The following ACTA2 variants were observed in gnomAD, a reference collection of about 807,000 sequenced individuals.
The protein encoded by ACTA2 is actin alpha 2, smooth muscle.
In ACTA2, 12 loss-of-function variants were observed where a neutral mutation model predicts 39.5. The observed-to-expected ratio is 0.30, with a 90% CI of 0.19 to 0.49. The LOEUF (loss-of-function observed/expected upper bound fraction) is 0.49. Among genes scored for constraint, ACTA2 ranks in the 20% least tolerant of loss-of-function variants. The pLI is 0.99. For missense variants in ACTA2, 236 were observed against 498.8 expected (o/e 0.47, Z 5.02); for synonymous variants, 158 against 180.6 (o/e 0.88, Z 1.00).
chr10:88,944,978 T>C (rs1190127922), intron 3 of ACTA2, among the ~76,000 whole-genome samples: 1 of 152,214 alleles, frequency 6.6e-6, no homozygotes, highest in Non-Finnish European at 1.5e-5. Flanking sequence ...TTCCACTTTC[T>C]TTTGTTTTGG....
chr10:88,968,451 T>A (rs1404917974), intron 1 of ACTA2, among the ~76,000 whole-genome samples: 1 of 152,194 alleles, frequency 6.6e-6, no homozygotes, highest in Non-Finnish European at 1.5e-5. Context: ...CAACAATAAC[T>A]TTATCCCAAA....
chr10:88,985,295 G>C (rs1846843396), intron 1 of ACTA2, among the ~76,000 whole-genome samples: 1 of 152,148 alleles, frequency 6.6e-6, no homozygotes, highest in African/African-American at 2.4e-5. Context: ...AGGACAAGTT[G>C]CTAATTTGGG....
chr10:88,959,275 A>G (rs546363947), intron 1 of ACTA2, among the ~76,000 whole-genome samples: 18 of 152,370 alleles, frequency 1.2e-4, no homozygotes, highest in South Asian at 8.3e-4. Flanking sequence ...GAAATTGCCT[A>G]AGGGGCTTAA....
intron 3 of ACTA2, among the ~76,000 whole-genome samples, chr10:88,946,410 C>CT (rs1368293894): frequency 2.1e-5 from 3 of 142,296 alleles, no homozygotes; most frequent in Non-Finnish European, 4.5e-5. Flanking sequence ...TTTTTTTCTT[C>CT]TTTTTTTTGA....
chr10:88,953,876 T>A (rs1564649993), upstream of ACTA2, among the ~76,000 whole-genome samples: 1 of 152,178 alleles, frequency 6.6e-6, no homozygotes, highest in Non-Finnish European at 1.5e-5. Context: ...TGAGTTTAAG[T>A]TTCTTGAGGC....
intron 1 of ACTA2, among the ~76,000 whole-genome samples, chr10:88,975,550 G>C (rs1846543462): frequency 6.6e-6 from 1 of 152,112 alleles, no homozygotes; most frequent in Non-Finnish European, 1.5e-5. Context: ...AGAGCAAAGG[G>C]AACTATCAGC....
intron 1 of ACTA2, among the ~76,000 whole-genome samples, chr10:88,986,728 C>G (rs1464418725): frequency 6.6e-6 from 1 of 151,348 alleles, no homozygotes; most frequent in South Asian, 2.1e-4. Flanking sequence ...GGAAGTGGTA[C>G]AGGAAGGAAG....
At chr10:88,954,525 C>T (rs1846102488), upstream of ACTA2, among the ~76,000 whole-genome samples, 1 of 152,142 alleles carries the variant, frequency 6.6e-6, no homozygotes, top group African/African-American at 2.4e-5. Flanking sequence ...AAGGATTCCC[C>T]TTCCTCCTGC....
chr10:88,956,571 A>G (rs944674202), upstream of ACTA2, among the ~76,000 whole-genome samples: 6 of 152,206 alleles, frequency 3.9e-5, no homozygotes, highest in African/African-American at 1.4e-4. Context: ...CCACAGGTTT[A>G]GGGGATTAGT....
chr10:88,990,986 G>T lies in ACTA2; in HGVS notation c.-71C>A. 6.3e-7 allele frequency: 1 copy of T among 1,599,626 alleles called. No individual in the cohort carries two copies. The highest frequency in any genetic ancestry group is 1.3e-5 in the African/African-American group (1 of 74,740). ...GCAAAGTGGGGCGGGCGCGGGACGC[G>T]TGCGGGATTGCGGCGGCAGCGGCGC... On this transcript the variant is annotated 5_prime_UTR_variant, in exon 1 of 5. Transcript: ENST00000415557. This position sits in a 1 kb window ranked among gnomAD's most constrained non-coding sequence, Gnocchi z 4.9.
At chr10:88,986,111 T>C (rs1846873562) in intron 1 of ACTA2, among the ~76,000 whole-genome samples, 1 of 152,204 alleles carries the variant, frequency 6.6e-6, no homozygotes, top group Non-Finnish European at 1.5e-5. Flanking sequence ...ATTTAGTATA[T>C]ACAAGTAGAC....
At chr10:88,956,264 G>A (rs1846136962), upstream of ACTA2, among the ~76,000 whole-genome samples, 1 of 152,168 alleles carries the variant, frequency 6.6e-6, no homozygotes, top group Non-Finnish European at 1.5e-5. Flanking sequence ...GGTTTTCAAT[G>A]GGCTAAAATC....
chr10:88,984,962 G>A (rs893771930), intron 1 of ACTA2, among the ~76,000 whole-genome samples: 1 of 152,196 alleles, frequency 6.6e-6, no homozygotes, highest in Non-Finnish European at 1.5e-5. Flanking sequence ...AGCCTAGTGA[G>A]GAGGAAAGCA....
chr10:88,989,613 A>C (rs1847046764), intron 1 of ACTA2: 1 of 534,558 alleles, frequency 1.9e-6, no homozygotes, highest in Non-Finnish European at 3.7e-6. Context: ...ACACAGGGTG[A>C]TGGAAAGCCC....
At chr10:88,958,742 G>C (rs1024603540) in intron 1 of ACTA2, among the ~76,000 whole-genome samples, 1 of 152,186 alleles carries the variant, frequency 6.6e-6, no homozygotes, top group Non-Finnish European at 1.5e-5. Flanking sequence ...CTCTCAAGCT[G>C]ACTAGACCCA....
At chr10:88,935,882 C>T (rs1229989654) in intron 8 of ACTA2, among the ~76,000 whole-genome samples, 2 of 152,198 alleles carry the variant, frequency 1.3e-5, no homozygotes, top group Non-Finnish European at 2.9e-5. Flanking sequence ...CTGCTGGGGA[C>T]ATTCCCTTGC....
chr10:88,951,217 G>A (rs1314833702), intron 1 of ACTA2, among the ~76,000 whole-genome samples: 1 of 152,146 alleles, frequency 6.6e-6, no homozygotes, highest in Non-Finnish European at 1.5e-5. Flanking sequence ...AAGAGCCTGG[G>A]GTATCTGTCA....
rs762567614 is a variant in ACTA2 at position 88,941,819 on chromosome 10, C to T, written c.420G>A (p.Ala140=). The T allele has an allele frequency of 6.1e-5, 99 of 1,613,006 alleles. No homozygotes were observed. Among genetic ancestry groups the T allele is most frequent in the African/African-American group, 1.5e-4 (11 of 74,914 alleles). Residue 140 remains alanine, a synonymous_variant, in exon 5 of 9, where the codon GCG becomes GCA. Coordinates refer to ENST00000224784, the MANE Select transcript of ACTA2 (RefSeq NM_001613.4). ...NVPAMYVAIQ[A]VLSLYASGRT... is the part of the protein sequence containing the mutation. ...GTCCAGAGGCATAGAGAGACAGCAC[C>T]GCCTGGATAGCCACATACATGGCTG...
chr10:88,959,219 A>G (rs1373132312), intron 1 of ACTA2, among the ~76,000 whole-genome samples: 1 of 152,166 alleles, frequency 6.6e-6, no homozygotes, highest in African/African-American at 2.4e-5. Flanking sequence ...ACTGACTTCC[A>G]TATTGGACAG....
Sources: gnomAD v4.1 joint callset for allele counts (sites outside exome capture counted in the v4.1 genomes callset) on GRCh38, gnomAD v4.1.1 for gene constraint, Gnocchi (gnomAD v3.1) non-coding constraint, MANE v1.5 for transcripts, NCBI Gene and HGNC (gene_info 2026-07-23, HGNC 2026-07-21) for gene names.